The following SV2B variants were observed in gnomAD, a reference collection of about 807,000 sequenced individuals.
The protein encoded by SV2B is synaptic vesicle glycoprotein 2B, also known as solute carrier family 22 member B2.
Under a neutral mutation model 73.9 loss-of-function variants are expected in SV2B, and 41 were observed. The ratio of observed to expected loss-of-function variants is 0.56; its 90% CI spans 0.43 to 0.72. SV2B has a LOEUF of 0.72. SV2B is among the 30% of genes least tolerant of loss of function. SV2B has a pLI of 0.00. For synonymous variants in SV2B, 314 were observed against 314.2 expected, an observed-to-expected ratio of 1.00 and a Z score of 0.01; for missense variants, 764 against 857.8, an observed-to-expected ratio of 0.89 and a Z score of 1.37.
At chr15:91,205,838 A>G (rs1357254078) in intron 1 of SV2B, among the ~76,000 whole-genome samples, 1 of 152,230 alleles carries the variant, frequency 6.6e-6, no homozygotes, top group Non-Finnish European at 1.5e-5. Flanking sequence ...TAGAGAGTTC[A>G]GTTAATGTAT....
intron 1 of SV2B, among the ~76,000 whole-genome samples, chr15:91,202,152 G>A (rs915410035): frequency 3.4e-4 from 51 of 151,974 alleles, no homozygotes; most frequent in African/African-American, 1.2e-3. Flanking sequence ...CCCTGCCCCC[G>A]TCGCCTCTGG....
At position 91,237,106 on chromosome 15, in the gene SV2B, C is replaced by G. The variant is rs544866422; in HGVS notation, c.451+10392C>G. On this transcript the variant is annotated intron_variant, in intron 2 of 12. Transcript: ENST00000394232. Reference sequence around the variant, plus strand: ...CAATTTCAAAAAGAAGAAATAGACTCCATCTTCTAATGGAGGAAATGACAA... The same window carrying G: ...CAATTTCAAAAAGAAGAAATAGACTGCATCTTCTAATGGAGGAAATGACAA... 2.0e-5 allele frequency among the ~76,000 whole-genome samples: 3 copies of G among 152,202 alleles called. No homozygotes were observed. In the South Asian group the frequency reaches 6.2e-4, roughly 32 times the overall value.
At chr15:91,170,731 T>C (rs2044093761) in intron 1 of SV2B, among the ~76,000 whole-genome samples, 1 of 152,256 alleles carries the variant, frequency 6.6e-6, no homozygotes, top group African/African-American at 2.4e-5. Context: ...AGAATAGTGC[T>C]TGGCATCAGG....
chr15:91,301,789 C>T lies in SV2B; in HGVS notation c.*9237C>T, dbSNP rs1392514446. Among the ~76,000 whole-genome samples the T allele has an allele frequency of 6.6e-6, 1 of 152,192 alleles. No homozygotes were observed. The highest frequency in any genetic ancestry group is 1.5e-5 in the Non-Finnish European group (1 of 68,030). On this transcript the variant is annotated 3_prime_UTR_variant, in exon 13 of 13. Transcript: ENST00000394232. This position sits in a 1 kb window ranked among gnomAD's most constrained non-coding sequence, Gnocchi z 4.3. ...TACCTACCAGCTGAGCATCCCAAGT[C>T]TGCACATTTGATATCTAAAATACTC...
rs949106539 is a variant in SV2B at position 91,137,135 on chromosome 15, G to A, written c.-392+36772G>A. Among the ~76,000 whole-genome samples, 4 of 152,026 alleles carry A rather than the reference G, an allele frequency of 2.6e-5. No homozygotes were observed. Among genetic ancestry groups the A allele is most frequent in the African/African-American group, 7.2e-5 (3 of 41,392 alleles). Reference sequence around the variant, plus strand: ...AGTTTCCTCAGCTGGGAGGTGAGAGGGCCAGGTCACATAACCTCCAAATCC... The same window carrying A: ...AGTTTCCTCAGCTGGGAGGTGAGAGAGCCAGGTCACATAACCTCCAAATCC... On this transcript the variant is annotated intron_variant, in intron 1 of 12. Coordinates refer to ENST00000394232, the MANE Select transcript of SV2B (RefSeq NM_001323032.3). This position sits in a 1 kb window ranked among gnomAD's most constrained non-coding sequence, Gnocchi z 4.9.
chr15:91,264,427 A>G (rs1202865294), intron 6 of SV2B, among the ~76,000 whole-genome samples: 2 of 152,232 alleles, frequency 1.3e-5, no homozygotes, highest in Non-Finnish European at 2.9e-5. Flanking sequence ...TAGGTCGAAC[A>G]TGGAAGCAGA....
chr15:91,219,019 A>G (rs2046129115), intron 1 of SV2B, among the ~76,000 whole-genome samples: 2 of 151,576 alleles, frequency 1.3e-5, no homozygotes, highest in East Asian at 3.9e-4. Flanking sequence ...GCTCACTGCA[A>G]CCTCCGCCTC....
chr15:91,241,989 T>A lies in SV2B; in HGVS notation c.452-9830T>A, dbSNP rs2047035058. Among the ~76,000 whole-genome samples the A allele has an allele frequency of 6.7e-6, 1 of 148,726 alleles. No homozygotes were observed. The highest frequency in any genetic ancestry group is 2.6e-5 in the African/African-American group (1 of 38,638). On this transcript the variant is annotated intron_variant, in intron 2 of 12. Coordinates refer to ENST00000394232, the MANE Select transcript of SV2B (RefSeq NM_001323032.3). The surrounding 1 kb of genome is among the most constrained non-coding windows in gnomAD (Gnocchi z 4.8). Reference sequence around the variant, plus strand: ...AGGACGTTTCATCTTTAAGCAGGAGTTAATCCTCGCCTCTTCAGAAACCTG... The same window carrying A: ...AGGACGTTTCATCTTTAAGCAGGAGATAATCCTCGCCTCTTCAGAAACCTG...
rs1217591315 is a variant in SV2B at position 91,129,419 on chromosome 15, G to C, written c.-392+29056G>C. On this transcript the variant is annotated intron_variant, in intron 1 of 12. Coordinates refer to ENST00000394232, the MANE Select transcript of SV2B (RefSeq NM_001323032.3). The surrounding 1 kb of genome is among the most constrained non-coding windows in gnomAD (Gnocchi z 5.1). ...AAATCAATTGTCCGGAGATGGAACTGGGGGAGGAAGGAGCATTGAGGCTGA... is the reference window on the plus strand; with the variant it reads ...AAATCAATTGTCCGGAGATGGAACTCGGGGAGGAAGGAGCATTGAGGCTGA... Among the ~76,000 whole-genome samples, 1 of 152,232 alleles carries C rather than the reference G, an allele frequency of 6.6e-6. No homozygotes were observed. Among genetic ancestry groups the C allele is most frequent in the Non-Finnish European group, 1.5e-5 (1 of 68,040 alleles).
Position 91,110,863 on chromosome 15 carries a change from C to G in SV2B, c.-392+10500C>G, listed in dbSNP as rs1419710795. ...TTAATTTTTGTTTTTTAAAGCAAAG[C>G]ATAAACATGAAGCTTTAAGGAAAGG... On this transcript the variant is annotated intron_variant, in intron 1 of 12. Transcript: ENST00000394232. The surrounding 1 kb of genome is among the most constrained non-coding windows in gnomAD (Gnocchi z 5.4). Among the ~76,000 whole-genome samples, 1 of 152,062 alleles carries G rather than the reference C, an allele frequency of 6.6e-6. No individual in the cohort carries two copies. The highest frequency in any genetic ancestry group is 2.4e-5 in the African/African-American group (1 of 41,380).
In SV2B at chr15:91,236,255, T is replaced by C. The variant is rs531674932; in HGVS notation, c.451+9541T>C. Among the ~76,000 whole-genome samples the C allele has an allele frequency of 3.3e-5, 5 of 152,236 alleles. No homozygotes were observed. The highest frequency in any genetic ancestry group is 7.3e-5 in the Non-Finnish European group (5 of 68,042). On this transcript the variant is annotated intron_variant, in intron 2 of 12. Transcript: ENST00000394232. The surrounding 1 kb of genome is among the most constrained non-coding windows in gnomAD (Gnocchi z 4.1). Reference sequence around the variant, plus strand: ...GAAGACCTGGTAAATGAAAGATGTTTAGTAACTACCAATTTGCTAATTATC... The same window carrying C: ...GAAGACCTGGTAAATGAAAGATGTTCAGTAACTACCAATTTGCTAATTATC...
chr15:91,219,459 T>C lies in SV2B; in HGVS notation c.-391-6414T>C, dbSNP rs137871115. Among the ~76,000 whole-genome samples the C allele has an allele frequency of 6.5e-3, 996 of 152,298 alleles. 15 individuals carry two copies. The highest frequency in any genetic ancestry group is 0.023 in the African/African-American group (954 of 41,556). On this transcript the variant is annotated intron_variant, in intron 1 of 12. Coordinates refer to ENST00000394232, the MANE Select transcript of SV2B (RefSeq NM_001323032.3). Reference sequence around the variant, plus strand: ...TTTAAGACATGACAAAATCCTGGGATGAATGGAGCTTAGATTCTAGTGAAA... The same window carrying C: ...TTTAAGACATGACAAAATCCTGGGACGAATGGAGCTTAGATTCTAGTGAAA...
Position 91,267,608 on chromosome 15 carries a change from G to T in SV2B, c.1173G>T (p.Leu391=), listed in dbSNP as rs1291985561. ...CVMGPYRMNT[L]ILAVVWFAMA... ...TGGGGCCCTACAGAATGAATACACTGATTCTGGCCGTGGTTTGGTTTGCCA... is the reference window on the plus strand; with the variant it reads ...TGGGGCCCTACAGAATGAATACACTTATTCTGGCCGTGGTTTGGTTTGCCA... Residue 391 remains leucine (L), a synonymous_variant, in exon 8 of 13, where the codon CTG becomes CTT. Coordinates refer to ENST00000394232, the MANE Select transcript of SV2B (RefSeq NM_001323032.3). This position sits in a 1 kb window ranked among gnomAD's most constrained non-coding sequence, Gnocchi z 4.3. The T allele has an allele frequency of 1.9e-6, 3 of 1,613,158 alleles. No individual in the cohort carries two copies. The Admixed American group carries it at 5.0e-5, about 27-fold the overall frequency.
intron 4 of SV2B, among the ~76,000 whole-genome samples, chr15:91,256,710 G>A (rs1221650197): frequency 6.6e-6 from 1 of 152,230 alleles, no homozygotes; most frequent in Non-Finnish European, 1.5e-5. Context: ...GAGTGTATTG[G>A]ATGAGGTTTG....
At position 91,297,966 on chromosome 15, in the gene SV2B, A is replaced by C. The variant is rs148529301; in HGVS notation, c.*5414A>C. ...TTCCACCTGGTGAAGATTTTCATAG[A>C]CAAATATGCTTGTGGCATCCTGTAA... On this transcript the variant is annotated 3_prime_UTR_variant, in exon 13 of 13. Coordinates refer to ENST00000394232, the MANE Select transcript of SV2B (RefSeq NM_001323032.3). This position sits in a 1 kb window ranked among gnomAD's most constrained non-coding sequence, Gnocchi z 5.1. 1 of 152,196 alleles carries C rather than the reference A, an allele frequency of 6.6e-6. No individual in the cohort carries two copies. Among genetic ancestry groups the C allele is most frequent in the Admixed American group, 6.5e-5 (1 of 15,280 alleles). The allele number at this position is 152,196 out of a possible 1,614,324, so 9.4% of individuals were successfully genotyped here.
At chr15:91,204,997 C>T (rs1399096220) in intron 1 of SV2B, among the ~76,000 whole-genome samples, 1 of 152,196 alleles carries the variant, frequency 6.6e-6, no homozygotes, top group African/African-American at 2.4e-5. Flanking sequence ...CCAGGTTGAT[C>T]TGATGCTGAA....
intron 1 of SV2B, among the ~76,000 whole-genome samples, chr15:91,171,128 TC>T (rs1652247201): frequency 6.6e-6 from 1 of 152,108 alleles, no homozygotes; most frequent in Admixed American, 6.5e-5. Context: ...AAACCTGTGC[TC>T]TTAACTATTA....
chr15:91,279,734 T>C (rs1056259351), intron 9 of SV2B, among the ~76,000 whole-genome samples: 1 of 152,212 alleles, frequency 6.6e-6, no homozygotes, highest in Non-Finnish European at 1.5e-5. Context: ...CAGCAGCCTA[T>C]TACTATATTA....
chr15:91,189,282 C>T (rs1402492512), intron 1 of SV2B, among the ~76,000 whole-genome samples: 1 of 152,126 alleles, frequency 6.6e-6, no homozygotes, highest in Non-Finnish European at 1.5e-5. Flanking sequence ...CCTCTCACCT[C>T]CGTCCCCATT....
Sources: gnomAD v4.1 joint callset for allele counts (sites outside exome capture counted in the v4.1 genomes callset) on GRCh38, gnomAD v4.1.1 for gene constraint, Gnocchi (gnomAD v3.1) non-coding constraint, MANE v1.5 for transcripts, NCBI Gene and HGNC (gene_info 2026-07-23, HGNC 2026-07-21) for gene names.